The following SH3RF1 variants were observed in gnomAD, a reference collection of about 807,000 sequenced individuals.
The protein encoded by SH3RF1 is SH3 domain containing ring finger 1, also known as E3 ubiquitin-protein ligase SH3RF1.
A neutral mutation model predicts 74.0 loss-of-function variants in SH3RF1; 32 were observed. The observed-to-expected ratio is 0.43, with a 90% CI of 0.33 to 0.58. The LOEUF (loss-of-function observed/expected upper bound fraction) is 0.58, where lower values mean the gene tolerates loss of function less well. SH3RF1 is among the 20% of genes least tolerant of loss of function. The pLI, the probability that SH3RF1 is intolerant of heterozygous loss-of-function variation, is 0.05. For missense variants in SH3RF1, 954 were observed against 1,130.9 expected, an observed-to-expected ratio of 0.84 and a Z score of 2.24; for synonymous variants, 396 against 439.6, an observed-to-expected ratio of 0.90 and a Z score of 1.24.
chr4:169,103,589 C>G (rs1033028708), intron 11 of SH3RF1, among the ~76,000 whole-genome samples: 3 of 152,142 alleles, frequency 2.0e-5, no homozygotes, highest in African/African-American at 7.2e-5. Context: ...CACAAGTAAT[C>G]CCTAAATTCT....
chr4:169,219,872 T>C (rs927939101), intron 2 of SH3RF1: 1 of 152,236 alleles, frequency 6.6e-6, no homozygotes, highest in Non-Finnish European at 1.5e-5. Flanking sequence ...TTAAATGTCA[T>C]GCTTTTTATT....
At chr4:169,151,532 G>C (rs1733976855) in intron 4 of SH3RF1, among the ~76,000 whole-genome samples, 2 of 152,100 alleles carry the variant, frequency 1.3e-5, no homozygotes, top group Admixed American at 1.3e-4. Context: ...ATGTGTTTGG[G>C]GTACAGCAAG....
chr4:169,117,255 C>T (rs1733352300), intron 9 of SH3RF1, among the ~76,000 whole-genome samples: 1 of 152,104 alleles, frequency 6.6e-6, no homozygotes, highest in African/African-American at 2.4e-5. Flanking sequence ...ATGATCTCAA[C>T]TATAGAAGTC....
At chr4:169,249,086 G>A (rs1731056416) in intron 2 of SH3RF1, among the ~76,000 whole-genome samples, 1 of 152,196 alleles carries the variant, frequency 6.6e-6, no homozygotes, top group Non-Finnish European at 1.5e-5. Context: ...AAATTAGCCA[G>A]GCATGGTGGT....
At chr4:169,252,365 T>C (rs1731119382) in intron 2 of SH3RF1, among the ~76,000 whole-genome samples, 1 of 152,224 alleles carries the variant, frequency 6.6e-6, no homozygotes, top group Non-Finnish European at 1.5e-5. Context: ...GTGTCAAAAA[T>C]TTACTTTCTG....
chr4:169,141,639 C>CTT (rs112366388), intron 4 of SH3RF1, among the ~76,000 whole-genome samples: 6 of 139,796 alleles, frequency 4.3e-5, no homozygotes, highest in Admixed American at 7.1e-5. Flanking sequence ...GATATAAATA[C>CTT]TTTTTTTTTT....
At chr4:169,099,005 A>C (rs1325594317) in intron 11 of SH3RF1, among the ~76,000 whole-genome samples, 1 of 152,222 alleles carries the variant, frequency 6.6e-6, no homozygotes, top group East Asian at 1.9e-4. Flanking sequence ...CTAACTAGGA[A>C]ACGAACTCAG....
intron 11 of SH3RF1, among the ~76,000 whole-genome samples, chr4:169,104,989 T>C (rs1733108463): frequency 6.6e-6 from 1 of 152,138 alleles, no homozygotes; most frequent in Admixed American, 6.6e-5. Context: ...TTTCCCAGTT[T>C]ATTTTTAAGT....
chr4:169,185,291 A>G (rs1396029674), intron 2 of SH3RF1, among the ~76,000 whole-genome samples: 1 of 152,194 alleles, frequency 6.6e-6, no homozygotes, highest in Non-Finnish European at 1.5e-5. Context: ...AGAGAGAAAC[A>G]GCGGTGGGAG....
chr4:169,110,506 T>C (rs1733224709), intron 10 of SH3RF1, among the ~76,000 whole-genome samples: 1 of 152,172 alleles, frequency 6.6e-6, no homozygotes, highest in Non-Finnish European at 1.5e-5. Flanking sequence ...GGTGTGAACC[T>C]GTAGTCCCAG....
chr4:169,268,775 A>T (rs771902348), intron 2 of SH3RF1, 45 bp downstream of exon 2: 12 of 1,512,778 alleles, frequency 7.9e-6, no homozygotes, highest in Non-Finnish European at 1.1e-5. Context: ...AAAAATGTGG[A>T]CATTACCACC....
chr4:169,127,155 G>A (rs1350162064), intron 6 of SH3RF1, among the ~76,000 whole-genome samples: 4 of 152,140 alleles, frequency 2.6e-5, no homozygotes, highest in Admixed American at 6.6e-5. Context: ...TTAGATACAT[G>A]TAATACCAGT....
At position 169,191,873 on chromosome 4, in the gene SH3RF1, C is replaced by T. The variant is rs186942645; in HGVS notation, c.394-35194G>A. ...ATGAAAATGGATCCTCACCTCTCAC[C>T]TTATACACAAATCAACTCAAGATGG... On this transcript the variant is annotated intron_variant, in intron 2 of 11. Coordinates refer to ENST00000284637, the MANE Select transcript of SH3RF1 (RefSeq NM_020870.4). Among the ~76,000 whole-genome samples the T allele has an allele frequency of 2.8e-3, 426 of 152,228 alleles. 1 individual carries two copies. The highest frequency in any genetic ancestry group is 4.4e-3 in the Non-Finnish European group (298 of 68,000).
At chr4:169,111,119 T>A (rs1344235361) in intron 10 of SH3RF1, among the ~76,000 whole-genome samples, 1 of 151,656 alleles carries the variant, frequency 6.6e-6, no homozygotes, top group Non-Finnish European at 1.5e-5. Context: ...ACCACCAACA[T>A]GGTGAAACCC....
chr4:169,161,306 T>A (rs1293144371), intron 2 of SH3RF1, among the ~76,000 whole-genome samples: 3 of 152,230 alleles, frequency 2.0e-5, no homozygotes, highest in South Asian at 2.1e-4. Flanking sequence ...ATTGTTCATT[T>A]AAAAAAATAA....
rs1388036541 is a variant in SH3RF1, at chr4:169,095,036, T to G, written c.*1483A>C. 1 of 152,624 alleles carries G rather than the reference T, an allele frequency of 6.6e-6. No individual in the cohort carries two copies. Among genetic ancestry groups the G allele is most frequent in the Non-Finnish European group, 1.5e-5 (1 of 68,038 alleles). 9.5% of individuals were successfully genotyped at this position (152,624 alleles called of 1,614,324 possible). ...TTTCCGGACTACCCAGATCCATGAC[T>G]GCGTGGCACCGTAATGAAATCGGTG... is the stretch of plus-strand genomic sequence containing the variant. On this transcript the variant is annotated 3_prime_UTR_variant, in exon 12 of 12. Transcript: ENST00000284637.
chr4:169,183,827 C>T (rs1005657217), intron 2 of SH3RF1, among the ~76,000 whole-genome samples: 7 of 151,140 alleles, frequency 4.6e-5, no homozygotes, highest in South Asian at 2.1e-4. Context: ...TGTGTTAGGA[C>T]ACGACTGCTT....
chr4:169,142,012 G>A (rs1052288880), intron 4 of SH3RF1, among the ~76,000 whole-genome samples: 1 of 151,958 alleles, frequency 6.6e-6, no homozygotes, highest in Non-Finnish European at 1.5e-5. Flanking sequence ...TATAGACAGG[G>A]TTTCACCGTG....
At chr4:169,188,660 G>A (rs1198788147) in intron 2 of SH3RF1, among the ~76,000 whole-genome samples, 4 of 152,136 alleles carry the variant, frequency 2.6e-5, no homozygotes, top group Non-Finnish European at 4.4e-5. Flanking sequence ...TAAAAACATC[G>A]ACACACTCAA....
Sources: allele counts gnomAD v4.1 joint callset (sites outside exome capture counted in the v4.1 genomes callset), GRCh38; gene constraint gnomAD v4.1.1; transcripts MANE v1.5; gene names NCBI Gene and HGNC (gene_info 2026-07-23, HGNC 2026-07-21).